The following KPNB1 variants were observed in gnomAD, a reference collection of about 807,000 sequenced individuals.
KPNB1 encodes karyopherin subunit beta 1.
KPNB1 carries 7 observed loss-of-function variants against 113.0 expected under a neutral mutation model. The observed-to-expected ratio is 0.06, with a 90% CI of 0.04 to 0.12. The LOEUF (loss-of-function observed/expected upper bound fraction) is 0.12. Ranked by LOEUF, KPNB1 falls within the 10% of genes least tolerant of loss-of-function variation. The probability of loss-of-function intolerance (pLI) is 1.00; values close to 1 mark genes in which losing one functional copy is unlikely to be tolerated. For synonymous variants in KPNB1, 363 were observed against 378.6 expected, an observed-to-expected ratio of 0.96 and a Z score of 0.48; for missense variants, 400 against 1,054.8, an observed-to-expected ratio of 0.38 and a Z score of 8.60.
chr17:47,663,277 C>T (rs1483889214), intron 7 of KPNB1, 99 bp downstream of exon 7: 1 of 723,896 alleles, frequency 1.4e-6, no homozygotes, highest in East Asian at 2.6e-5. Flanking sequence ...TTACTTAATA[C>T]TATGGAATCA....
At chr17:47,650,738 G>A (rs1915535338) in intron 2 of KPNB1, among the ~76,000 whole-genome samples, 1 of 152,180 alleles carries the variant, frequency 6.6e-6, no homozygotes. Context: ...AAAGAGGGAG[G>A]GAAGGGAAGT....
At chr17:47,665,646 G>C (rs150877010) in intron 9 of KPNB1, among the ~76,000 whole-genome samples, 12 of 152,296 alleles carry the variant, frequency 7.9e-5, no homozygotes, top group Non-Finnish European at 1.0e-4. Flanking sequence ...GATCCTTTAA[G>C]ATAATTAACT....
rs565107717 is a variant in KPNB1 at position 47,677,328 on chromosome 17, C to T, written c.2103+201C>T. Among the ~76,000 whole-genome samples, 200 of 151,890 alleles carry T rather than the reference C, an allele frequency of 1.3e-3. 1 individual carries two copies. The highest frequency in any genetic ancestry group is 4.2e-3 in the African/African-American group (172 of 41,378). The stretch of plus-strand genomic sequence containing the variant: ...TACTGTAGATACAAAAAAAATTAGC[C>T]GGGCGTGATGGCAGGCGCTTGTAAT... On this transcript the variant is annotated intron_variant, in intron 17 of 21. Coordinates refer to ENST00000290158, the MANE Select transcript of KPNB1 (RefSeq NM_002265.6).
chr17:47,664,197 G>T lies in KPNB1; in HGVS notation c.825G>T (p.Val275=), dbSNP rs1406908265. ...IEAMKSDIDE[V]ALQGIEFWSN... is the part of the protein sequence containing the mutation. The stretch of plus-strand genomic sequence containing the variant: ...CAATGAAAAGTGACATTGATGAGGT[G>T]GCTTTACAAGGGATAGAATTCTGGT... The change falls in exon 8 of 22, where the codon GTG becomes GTT. Residue 275 remains valine, a synonymous_variant. Coordinates refer to ENST00000290158, the MANE Select transcript of KPNB1 (RefSeq NM_002265.6). 6 of 1,613,572 alleles carry T rather than the reference G, an allele frequency of 3.7e-6. No individual in the cohort carries two copies. The highest frequency in any genetic ancestry group is 5.1e-6 in the Non-Finnish European group (6 of 1,179,766).
rs1915486586 is a variant in KPNB1, at chr17:47,650,135, C to T, written c.-110C>T. The T allele has an allele frequency of 2.7e-5, 16 of 596,946 alleles. No individual in the cohort carries two copies. Among genetic ancestry groups the T allele is most frequent in the Non-Finnish European group, 3.5e-5 (16 of 451,778 alleles). The allele number at this position is 596,946 out of a possible 1,614,324, so 37.0% of individuals were successfully genotyped here. On this transcript the variant is annotated 5_prime_UTR_variant, in exon 1 of 22. Transcript: ENST00000290158. The stretch of plus-strand genomic sequence containing the variant: ...GGTTTGTGGTGACCCCCGCCCCCCA[C>T]CCCACCCTCCCTTCCCACCCGACCC...
At chr17:47,666,571 AT>A (rs2030291831) in intron 9 of KPNB1, among the ~76,000 whole-genome samples, 3 of 145,042 alleles carry the variant, frequency 2.1e-5, no homozygotes, top group Non-Finnish European at 4.5e-5. Flanking sequence ...TATGTTATAT[AT>A]TTTATATGTA....
At position 47,680,546 on chromosome 17, in the gene KPNB1, T is replaced by C. The variant is rs1477232370; in HGVS notation, c.2507T>C (p.Leu836Ser). ...GCATTTGGGAAGGATGTACTGAAAT[T>C]AGTAGAAGCTAGGCCAATGATCCAT... ...CTAFGKDVLKLVEARPMIHEL... is the reference protein window; with the variant it reads ...CTAFGKDVLKSVEARPMIHEL... The change falls in exon 21 of 22, where the codon TTA becomes TCA. Residue 836 changes from leucine (L) to serine (S), a missense_variant. Transcript: ENST00000290158. The C allele has an allele frequency of 1.1e-5, 18 of 1,614,096 alleles. No individual in the cohort carries two copies. Among genetic ancestry groups the C allele is most frequent in the Non-Finnish European group, 1.4e-5 (17 of 1,180,032 alleles).
At chr17:47,678,492 G>A in intron 19 of KPNB1, 79 bp downstream of exon 19, 1 of 983,490 alleles carries the variant, frequency 1.0e-6, no homozygotes, top group South Asian at 1.3e-5. Context: ...TCATTCTGTA[G>A]CTCGCTTGTG....
intron 10 of KPNB1, among the ~76,000 whole-genome samples, chr17:47,669,227 G>A (rs1460249942): frequency 1.3e-5 from 2 of 152,044 alleles, no homozygotes; most frequent in East Asian, 1.9e-4. Context: ...TCGTGCCTCA[G>A]CCCCCTGAGT....
At chr17:47,654,793 T>G (rs1157617874) in intron 3 of KPNB1, among the ~76,000 whole-genome samples, 1 of 152,166 alleles carries the variant, frequency 6.6e-6, no homozygotes, top group Non-Finnish European at 1.5e-5. Flanking sequence ...ACTAGGAGAC[T>G]ATGTAGTGTG....
chr17:47,659,297 C>T (rs1230088704), intron 5 of KPNB1, among the ~76,000 whole-genome samples: 4 of 151,074 alleles, frequency 2.6e-5, no homozygotes, highest in Non-Finnish European at 4.4e-5. Context: ...TGCAGTGAGC[C>T]GAGATTGCAG....
At chr17:47,650,326 T>TGGGGGA (rs1915498692) in intron 1 of KPNB1, 42 bp downstream of exon 1, 6 of 1,609,666 alleles carry the variant, frequency 3.7e-6, no homozygotes, top group Non-Finnish European at 5.1e-6. Flanking sequence ...GTGATTGGGG[T>TGGGGGA]GGGGGAGGGG....
intron 14 of KPNB1, 74 bp from the exon 15 acceptor site, chr17:47,674,564 T>G (rs2030540349): frequency 2.1e-6 from 3 of 1,428,850 alleles, no homozygotes; most frequent in Non-Finnish European, 9.4e-7. Flanking sequence ...TAATTGATTT[T>G]AAAAAGAAAA....
At chr17:47,656,813 C>G (rs1348067404) in intron 3 of KPNB1, 47 bp from the exon 4 acceptor site, 1 of 1,585,232 alleles carries the variant, frequency 6.3e-7, no homozygotes, top group Non-Finnish European at 8.6e-7. Flanking sequence ...AAAATGTGGT[C>G]AAATAGTGTT....
chr17:47,671,807 A>AT (rs1567893098), intron 12 of KPNB1: 1 of 152,090 alleles, frequency 6.6e-6, no homozygotes, highest in East Asian at 1.9e-4. Flanking sequence ...GATTACAGGC[A>AT]TGAGCCACCA....
intron 2 of KPNB1, chr17:47,651,084 A>G (rs1369459166): frequency 5.3e-5 from 13 of 246,120 alleles, no homozygotes; most frequent in Non-Finnish European, 8.3e-5. Flanking sequence ...ATGAATAGAG[A>G]CCTAATCACT....
intron 21 of KPNB1, among the ~76,000 whole-genome samples, chr17:47,681,280 T>C (rs1279755913): frequency 3.3e-5 from 5 of 150,054 alleles, no homozygotes; most frequent in Non-Finnish European, 5.9e-5. Context: ...TTTTTTTTTT[T>C]TTCTTTTGGA....
Position 47,673,002 on chromosome 17 carries a change from G to A in KPNB1, c.1548-16G>A, listed in dbSNP as rs764033443. The A allele has an allele frequency of 9.4e-6, 15 of 1,599,712 alleles. No individual in the cohort carries two copies. The highest frequency in any genetic ancestry group is 3.6e-5 in the Admixed American group (2 of 56,268). On this transcript the variant is annotated splice_polypyrimidine_tract_variant and intron_variant, in intron 12 of 21. Transcript: ENST00000290158. ...TTTCATTTGAGGCTTTAAGATTTTC[G>A]CTGTGTTCTTTACAGACCTGATGGA... is the stretch of plus-strand genomic sequence containing the variant.
rs941328501 is a variant in KPNB1, at chr17:47,674,542, T to G, written c.1768-96T>G. 8.0e-6 allele frequency: 10 copies of G among 1,249,178 alleles called. No homozygotes were observed. In the African/African-American group the frequency reaches 1.5e-4, roughly 19 times the overall value. The allele number at this position is 1,249,178 out of a possible 1,614,324, so 77.4% of individuals were successfully genotyped here. ...ATTTGGCATTCCCAAAATTAAAAAA[T>G]ATCAAGGGACTTAATTGATTTTAAA... On this transcript the variant is annotated intron_variant, in intron 14 of 21. Coordinates refer to ENST00000290158, the MANE Select transcript of KPNB1 (RefSeq NM_002265.6).
Sources: allele counts gnomAD v4.1 joint callset (sites outside exome capture counted in the v4.1 genomes callset), GRCh38; gene constraint gnomAD v4.1.1; transcripts MANE v1.5; gene names NCBI Gene and HGNC (gene_info 2026-07-23, HGNC 2026-07-21).